The following ELAPOR2 variants were observed in gnomAD, a reference collection of about 807,000 sequenced individuals.
ELAPOR2 encodes the protein endosome/lysosome-associated apoptosis and autophagy regulator family member 2.
A neutral mutation model predicts 120.7 loss-of-function variants in ELAPOR2; 89 were observed. That is an observed-to-expected ratio of 0.74 (90% CI 0.62 to 0.88). ELAPOR2 has a LOEUF of 0.88. Ranked by LOEUF, ELAPOR2 falls within the 40% of genes least tolerant of loss-of-function variation. ELAPOR2 has a pLI of 0.00. For synonymous variants in ELAPOR2, 444 were observed against 444.9 expected, an observed-to-expected ratio of 1.00 and a Z score of 0.03; for missense variants, 1,134 against 1,251.6, an observed-to-expected ratio of 0.91 and a Z score of 1.42.
intron 21 of ELAPOR2, among the ~76,000 whole-genome samples, chr7:86,890,254 T>G (rs1211955353): frequency 6.6e-6 from 1 of 151,980 alleles, no homozygotes; most frequent in African/African-American, 2.4e-5. Flanking sequence ...CAAGAATCTT[T>G]GTATAGAAAA....
intron 1 of ELAPOR2, among the ~76,000 whole-genome samples, chr7:87,043,563 C>A (rs566313190): frequency 1.4e-5 from 2 of 146,758 alleles, no homozygotes; most frequent in Admixed American, 6.8e-5. Flanking sequence ...ATTCAACAAC[C>A]CTTCATGCTA....
intron 10 of ELAPOR2, among the ~76,000 whole-genome samples, chr7:86,924,019 G>T (rs1315977122): frequency 6.6e-6 from 1 of 152,046 alleles, no homozygotes; most frequent in Non-Finnish European, 1.5e-5. Context: ...CTTAGTGGGT[G>T]ACTATCCCAG....
chr7:87,021,261 T>C (rs925173114), intron 1 of ELAPOR2, among the ~76,000 whole-genome samples: 1 of 152,110 alleles, frequency 6.6e-6, no homozygotes, highest in Admixed American at 6.6e-5. Context: ...ATATGTGAAA[T>C]AAAGGATGAC....
rs138777629 is a variant in ELAPOR2, at chr7:86,877,803, A to G, written c.*2668T>C. On this transcript the variant is annotated 3_prime_UTR_variant, in exon 22 of 22. Transcript: ENST00000450689. ...CTTTGGGAAGAAAATAAGGACAGAC[A>G]TCTACACAAAAATACTATGAAATAT... The G allele has an allele frequency of 6.6e-6, 1 of 152,338 alleles. No homozygotes were observed. Among genetic ancestry groups the G allele is most frequent in the East Asian group, 1.9e-4 (1 of 5,182 alleles). 9.4% of individuals were successfully genotyped at this position (152,338 alleles called of 1,614,324 possible). A position where few individuals can be genotyped will look rare whatever the true frequency, so the allele number is the denominator to read the frequency against.
At chr7:86,971,700 A>G (rs1792112989) in intron 1 of ELAPOR2, among the ~76,000 whole-genome samples, 1 of 152,210 alleles carries the variant, frequency 6.6e-6, no homozygotes, top group South Asian at 2.1e-4. Context: ...CAATAGATGC[A>G]GGTGGCAACA....
intron 13 of ELAPOR2, 65 bp from the exon 14 acceptor site, chr7:86,913,269 C>T: frequency 6.7e-7 from 1 of 1,490,076 alleles, no homozygotes; most frequent in Non-Finnish European, 9.2e-7. Flanking sequence ...CAGATTATGT[C>T]TTCTGTTGAC....
intron 18 of ELAPOR2, among the ~76,000 whole-genome samples, chr7:86,905,174 AAGAG>A (rs1256772909): frequency 2.0e-5 from 3 of 147,310 alleles, no homozygotes; most frequent in African/African-American, 5.1e-5. Context: ...GAAAGAAAGA[AAGAG>A]AGAAAGAGAG....
chr7:86,974,523 TTA>T (rs1792208621), intron 1 of ELAPOR2, among the ~76,000 whole-genome samples: 1 of 151,416 alleles, frequency 6.6e-6, no homozygotes, highest in Non-Finnish European at 1.5e-5. Flanking sequence ...ACAAAATTAT[TTA>T]TGACACATTT....
chr7:86,952,548 G>A (rs1331161507), intron 2 of ELAPOR2, among the ~76,000 whole-genome samples: 1 of 152,136 alleles, frequency 6.6e-6, no homozygotes, highest in Admixed American at 6.5e-5. Flanking sequence ...TAATGTTCAT[G>A]TGCATTATAC....
chr7:86,937,196 T>G (rs1005138137), intron 8 of ELAPOR2, among the ~76,000 whole-genome samples: 2 of 152,078 alleles, frequency 1.3e-5, no homozygotes. Flanking sequence ...ATCATTGCAA[T>G]TTGCCACTAA....
At chr7:86,995,193 C>T (rs1250884111) in intron 1 of ELAPOR2, among the ~76,000 whole-genome samples, 1 of 152,142 alleles carries the variant, frequency 6.6e-6, no homozygotes, top group African/African-American at 2.4e-5. Context: ...AAAACTTCCC[C>T]TCACTTCTAA....
intron 21 of ELAPOR2, among the ~76,000 whole-genome samples, chr7:86,881,387 G>A (rs936393297): frequency 4.8e-5 from 7 of 145,336 alleles, no homozygotes; most frequent in Non-Finnish European, 9.0e-5. Context: ...TCAGAGTTTC[G>A]CTCTTGTTGC....
At chr7:86,894,386 GAAAC>G (rs1218578540) in intron 19 of ELAPOR2, among the ~76,000 whole-genome samples, 3 of 152,098 alleles carry the variant, frequency 2.0e-5, no homozygotes, top group African/African-American at 2.4e-5. Context: ...AATACAGAGA[GAAAC>G]AAATTCGTCA....
chr7:87,050,767 A>C (rs1795076078), intron 1 of ELAPOR2, among the ~76,000 whole-genome samples: 2 of 152,196 alleles, frequency 1.3e-5, no homozygotes, highest in Non-Finnish European at 2.9e-5. Context: ...TCCAGGCAAG[A>C]TACAATGGTA....
At chr7:86,992,311 T>A (rs916512930) in intron 1 of ELAPOR2, among the ~76,000 whole-genome samples, 1 of 152,186 alleles carries the variant, frequency 6.6e-6, no homozygotes, top group Non-Finnish European at 1.5e-5. Context: ...ATGCCTGTAG[T>A]TCCAGCTACT....
intron 5 of ELAPOR2, among the ~76,000 whole-genome samples, chr7:86,941,132 G>GATCT (rs888460781): frequency 1.3e-5 from 2 of 152,104 alleles, no homozygotes; most frequent in African/African-American, 4.8e-5. Context: ...AATAGAGCTT[G>GATCT]ATCTATATTG....
intron 19 of ELAPOR2, among the ~76,000 whole-genome samples, chr7:86,895,601 A>G (rs1473311235): frequency 6.6e-6 from 1 of 152,150 alleles, no homozygotes; most frequent in Non-Finnish European, 1.5e-5. Flanking sequence ...AGAATCACAC[A>G]GCAACTATCT....
chr7:86,908,150 TACACACACACACACACACACACAC>T (rs144805388), intron 17 of ELAPOR2, among the ~76,000 whole-genome samples: 1 of 144,266 alleles, frequency 6.9e-6, no homozygotes, highest in Admixed American at 7.1e-5. Flanking sequence ...TGTAAGTGAA[TACACACACACACACACACACACAC>T]ACACACACAC....
rs1791848993 is a variant in ELAPOR2 at position 86,964,928 on chromosome 7, C to T, written c.286G>A (p.Asp96Asn). The T allele has an allele frequency of 2.6e-6, 4 of 1,551,444 alleles. No individual in the cohort carries two copies. The highest frequency in any genetic ancestry group is 3.5e-6 in the Non-Finnish European group (4 of 1,146,880). Residue 96 changes from aspartate (D) to asparagine (N), a missense_variant, in exon 2 of 22, where the codon GAC (aspartate) becomes AAC (asparagine). Around this residue, in one of 3 missense-constraint regions of ELAPOR2, gnomAD observed 280 missense variants for 331.5 expected, o/e 0.84. Coordinates refer to ENST00000450689, the MANE Select transcript of ELAPOR2 (RefSeq NM_001142749.3). ...CTGCATTCTTTGCCTCTCACTGGGT[C>T]AGGCAGGCCAGAGCAGTCCACTGCA... ...NSAVDCSGLP[D>N]PVRGKECTFS... is the part of the protein sequence containing the mutation.
Sources: gnomAD v4.1 joint callset for allele counts (sites outside exome capture counted in the v4.1 genomes callset) on GRCh38, gnomAD v4.1.1 for gene constraint, gnomAD v4.1.1 regional missense constraint, MANE v1.5 for transcripts, NCBI Gene and HGNC (gene_info 2026-07-23, HGNC 2026-07-21) for gene names.